Variants in FRMD4A observed in about 807,000 individuals in gnomAD.
FRMD4A encodes FERM domain containing 4A, also known as FERM domain-containing protein 4A.
Under a neutral mutation model 129.1 loss-of-function variants are expected in FRMD4A, and 29 were observed. The ratio of observed to expected loss-of-function variants is 0.22; its 90% CI spans 0.17 to 0.31. The LOEUF is 0.31. FRMD4A is among the 10% of genes least tolerant of loss of function. FRMD4A has a pLI of 1.00. For synonymous variants in FRMD4A, 634 were observed against 571.6 expected (o/e 1.11, Z -1.56); for missense variants, 1,272 against 1,375.8 (o/e 0.92, Z 1.19).
chr10:13,902,456 G>GGA (rs140040052), intron 2 of FRMD4A, among the ~76,000 whole-genome samples: 52,901 of 127,480 alleles, frequency 0.41, 11,209 homozygotes, highest in East Asian at 0.51. Context: ...GCAAAATACT[G>GGA]GAGAGAGAGA....
chr10:14,185,632 G>A (rs757320115), intron 2 of FRMD4A, among the ~76,000 whole-genome samples: 11 of 152,158 alleles, frequency 7.2e-5, no homozygotes, highest in African/African-American at 1.2e-4. Flanking sequence ...ATACTTCATG[G>A]TCAGAGAGCT....
intron 2 of FRMD4A, among the ~76,000 whole-genome samples, chr10:13,915,803 G>A (rs1254017698): frequency 6.6e-6 from 1 of 152,156 alleles, no homozygotes; most frequent in Non-Finnish European, 1.5e-5. Context: ...TGTTCCTGCA[G>A]AGGCTGGGCA....
At chr10:14,239,000 C>CT (rs1477950747) in intron 2 of FRMD4A, among the ~76,000 whole-genome samples, 4 of 152,052 alleles carry the variant, frequency 2.6e-5, no homozygotes, top group Non-Finnish European at 5.9e-5. Context: ...TTACTGATTC[C>CT]TTTCGACTCT....
chr10:13,673,633 G>A (rs575021236), intron 16 of FRMD4A, among the ~76,000 whole-genome samples: 3 of 152,034 alleles, frequency 2.0e-5, no homozygotes, highest in Non-Finnish European at 4.4e-5. Flanking sequence ...ATTAAAACAT[G>A]AAGCCTTCAA....
intron 2 of FRMD4A, among the ~76,000 whole-genome samples, chr10:13,953,699 A>G (rs1479298686): frequency 3.9e-5 from 6 of 152,172 alleles, no homozygotes; most frequent in African/African-American, 1.4e-4. Context: ...AATCTGGCAT[A>G]TTGTTAGAAT....
intron 11 of FRMD4A, among the ~76,000 whole-genome samples, chr10:13,739,465 G>A (rs1000280714): frequency 1.3e-5 from 2 of 152,190 alleles, no homozygotes; most frequent in Non-Finnish European, 2.9e-5. Flanking sequence ...TCCTGGATTC[G>A]TGCTCTTTTC....
At chr10:13,844,799 A>G (rs1220582697) in intron 3 of FRMD4A, among the ~76,000 whole-genome samples, 1 of 152,228 alleles carries the variant, frequency 6.6e-6, no homozygotes, top group African/African-American at 2.4e-5. Flanking sequence ...ACAGTTGACG[A>G]GAATATGCTG....
Position 14,178,666 on chromosome 10 carries a change from T to A in FRMD4A, c.45+151392A>T, listed in dbSNP as rs181309200. 9.9e-5 allele frequency among the ~76,000 whole-genome samples: 15 copies of A among 152,256 alleles called. No individual in the cohort carries two copies. In the East Asian group the frequency reaches 2.9e-3, roughly 29 times the overall value. ...GGCACCCTAACACCCTTGACATTGATCAATGTTACCAAAGTATCCAGAAGC... is the reference window on the plus strand; with the variant it reads ...GGCACCCTAACACCCTTGACATTGAACAATGTTACCAAAGTATCCAGAAGC... On this transcript the variant is annotated intron_variant, in intron 2 of 24. Coordinates refer to ENST00000357447, the MANE Select transcript of FRMD4A (RefSeq NM_018027.5).
At position 13,931,863 on chromosome 10, in the gene FRMD4A, C is replaced by T. The variant is rs1244882873; in HGVS notation, c.46-72951G>A. On this transcript the variant is annotated intron_variant, in intron 2 of 24. Transcript: ENST00000357447. ...ACTTGGGAGGCTGAGGCAGGAGAAT[C>T]GCTTGAACCCGGGAGGTGGAGGTTG... Among the ~76,000 whole-genome samples the T allele has an allele frequency of 7.9e-5, 12 of 151,412 alleles. No homozygotes were observed. The South Asian group carries it at 8.3e-4, about 11-fold the overall frequency.
At chr10:13,976,692 C>T (rs931863927) in intron 2 of FRMD4A, among the ~76,000 whole-genome samples, 2 of 152,098 alleles carry the variant, frequency 1.3e-5, no homozygotes, top group African/African-American at 2.4e-5. Context: ...TACATAAATA[C>T]ACAGAAAACA....
chr10:13,850,760 A>G (rs1361026336), intron 3 of FRMD4A, among the ~76,000 whole-genome samples: 1 of 152,252 alleles, frequency 6.6e-6, no homozygotes, highest in Non-Finnish European at 1.5e-5. Context: ...TGAAAAGAGA[A>G]TGGGCTATAC....
At chr10:14,133,580 T>C (rs1408152755) in intron 2 of FRMD4A, among the ~76,000 whole-genome samples, 2 of 152,204 alleles carry the variant, frequency 1.3e-5, no homozygotes, top group Non-Finnish European at 2.9e-5. Flanking sequence ...TTCTAGCAGC[T>C]GCTGAGTCTG....
intron 2 of FRMD4A, among the ~76,000 whole-genome samples, chr10:13,899,564 G>C (rs2094796489): frequency 6.6e-6 from 1 of 152,272 alleles, no homozygotes. Flanking sequence ...CTGGCAGGCT[G>C]AGGTGGGACG....
intron 4 of FRMD4A, among the ~76,000 whole-genome samples, chr10:13,810,093 G>A (rs1418979103): frequency 6.6e-6 from 1 of 152,236 alleles, no homozygotes; most frequent in East Asian, 1.9e-4. Context: ...GAGAGAGAGA[G>A]AGTCTGTGTG....
intron 2 of FRMD4A, among the ~76,000 whole-genome samples, chr10:14,182,708 G>C (rs1328460760): frequency 1.3e-5 from 2 of 152,168 alleles, no homozygotes; most frequent in Non-Finnish European, 2.9e-5. Context: ...CCTCCTTTAA[G>C]GCAGGTTCGA....
chr10:14,243,909 C>T (rs1449525442), intron 2 of FRMD4A, among the ~76,000 whole-genome samples: 2 of 151,828 alleles, frequency 1.3e-5, no homozygotes, highest in African/African-American at 4.8e-5. Flanking sequence ...GAAATGGGCC[C>T]TCAGTTGTAT....
At position 13,846,651 on chromosome 10, in the gene FRMD4A, T is replaced by C. The variant is rs187586776; in HGVS notation, c.111+12196A>G. Among the ~76,000 whole-genome samples, 289 of 152,360 alleles carry C rather than the reference T, an allele frequency of 1.9e-3. 5 individuals carry two copies. The highest frequency in any genetic ancestry group is 0.015 in the Admixed American group (226 of 15,306). Reference sequence around the variant, plus strand: ...GCTGGGCAGAGTGTGGTGACTGTAATGGCATAGGGCCTGCCCAGAGAGTAG... The same window carrying C: ...GCTGGGCAGAGTGTGGTGACTGTAACGGCATAGGGCCTGCCCAGAGAGTAG... On this transcript the variant is annotated intron_variant, in intron 3 of 24. Transcript: ENST00000357447.
intron 24 of FRMD4A, among the ~76,000 whole-genome samples, chr10:13,649,959 GAGCAGCTTAGCC>G: frequency 6.6e-6 from 1 of 152,312 alleles, no homozygotes; most frequent in Non-Finnish European, 1.5e-5. Context: ...TGACCCAGAA[GAGCAGCTTAGCC>G]CTGGGCAGTC....
intron 2 of FRMD4A, among the ~76,000 whole-genome samples, chr10:14,221,851 C>A (rs573277793): frequency 6.6e-6 from 1 of 152,010 alleles, no homozygotes; most frequent in African/African-American, 2.4e-5. Flanking sequence ...CACAATGCGC[C>A]GCCAGTGATT....
Sources: allele counts gnomAD v4.1 joint callset (sites outside exome capture counted in the v4.1 genomes callset), GRCh38; gene constraint gnomAD v4.1.1; transcripts MANE v1.5; gene names NCBI Gene and HGNC (gene_info 2026-07-23, HGNC 2026-07-21).